The following TMEM178B variants were observed in gnomAD, a reference collection of about 807,000 sequenced individuals.
The protein encoded by TMEM178B is transmembrane protein 178B.
In TMEM178B, 5 loss-of-function variants were observed where a neutral mutation model predicts 31.0. The ratio of observed to expected loss-of-function variants is 0.16; its 90% CI spans 0.08 to 0.34. The LOEUF (loss-of-function observed/expected upper bound fraction) is 0.34, where lower values mean the gene tolerates loss of function less well. Ranked by LOEUF, TMEM178B falls within the 10% of genes least tolerant of loss-of-function variation. The pLI, the probability that TMEM178B is intolerant of heterozygous loss-of-function variation, is 1.00. For synonymous variants in TMEM178B, 164 were observed against 164.0 expected (o/e 1.00, Z 0.00); for missense variants, 275 against 400.3 (o/e 0.69, Z 2.67).
At chr7:141,203,935 C>G (rs1796920441) in intron 1 of TMEM178B, among the ~76,000 whole-genome samples, 1 of 152,200 alleles carries the variant, frequency 6.6e-6, no homozygotes, top group Admixed American at 6.5e-5. Flanking sequence ...ATCCCTTTGC[C>G]TGTAGATGGG....
the TMEM178B span, among the ~76,000 whole-genome samples, chr7:141,488,866 A>G: frequency 2.0e-5 from 3 of 152,180 alleles, no homozygotes; most frequent in Non-Finnish European, 4.4e-5. Context: ...TAAGAACTGC[A>G]ATTTAAAAAA....
intron 2 of TMEM178B, chr7:141,429,723 G>A (rs1257453394): frequency 6.6e-6 from 1 of 152,224 alleles, no homozygotes; most frequent in Non-Finnish European, 1.5e-5. Flanking sequence ...AGTGATAACT[G>A]TGTGAGTTCA....
At chr7:141,346,027 C>G (rs1799613348) in intron 2 of TMEM178B, among the ~76,000 whole-genome samples, 1 of 152,036 alleles carries the variant, frequency 6.6e-6, no homozygotes, top group South Asian at 2.1e-4. Context: ...AGAGACCATC[C>G]TGGCTAACAC....
At chr7:141,235,294 A>G (rs953577218) in intron 2 of TMEM178B, among the ~76,000 whole-genome samples, 1 of 152,212 alleles carries the variant, frequency 6.6e-6, no homozygotes, top group African/African-American at 2.4e-5. Context: ...TTGCTTGAAG[A>G]ATCATTTCTG....
At chr7:141,355,614 G>A (rs182356987) in intron 2 of TMEM178B, among the ~76,000 whole-genome samples, 99 of 152,342 alleles carry the variant, frequency 6.5e-4, no homozygotes, top group Middle Eastern at 6.8e-3. Context: ...ATTCAATGCC[G>A]ATGCATTCAA....
intron 2 of TMEM178B, among the ~76,000 whole-genome samples, chr7:141,316,389 T>C (rs1362617586): frequency 6.6e-6 from 1 of 152,214 alleles, no homozygotes; most frequent in Non-Finnish European, 1.5e-5. Context: ...TTTGTATGTT[T>C]ATATCCATTT....
rs145129263 is a variant in TMEM178B, at chr7:141,395,781, A to C, written c.497-41827A>C. Among the ~76,000 whole-genome samples, 385 of 152,240 alleles carry C rather than the reference A, an allele frequency of 2.5e-3. 3 individuals are homozygous for C. The South Asian group carries it at 0.035, about 14-fold the overall frequency. ...TATATCAGGGGAATGGGAGAGAAGG[A>C]TGGGCATGGGGGTTGGGAATGGGTT... On this transcript the variant is annotated intron_variant, in intron 2 of 3. Transcript: ENST00000565468.
intron 2 of TMEM178B, among the ~76,000 whole-genome samples, chr7:141,253,376 A>C (rs1240623856): frequency 3.3e-5 from 5 of 152,070 alleles, no homozygotes; most frequent in African/African-American, 1.2e-4. Flanking sequence ...GGATCTGCAA[A>C]TGTGCAGCTT....
chr7:141,492,713 G>A, the TMEM178B span, among the ~76,000 whole-genome samples: 1 of 152,256 alleles, frequency 6.6e-6, no homozygotes. Context: ...GAAACAACGA[G>A]CACATCAACT....
At chr7:141,466,082 A>G (rs1364620169) in intron 3 of TMEM178B, among the ~76,000 whole-genome samples, 1 of 152,232 alleles carries the variant, frequency 6.6e-6, no homozygotes. Flanking sequence ...AGTAGCATAT[A>G]TGGAAATTAA....
chr7:141,260,032 A>G (rs1029307005), intron 2 of TMEM178B, among the ~76,000 whole-genome samples: 2 of 152,004 alleles, frequency 1.3e-5, no homozygotes, highest in African/African-American at 2.4e-5. Context: ...CCAGGGTTAT[A>G]TGGGACTGTA....
the TMEM178B span, among the ~76,000 whole-genome samples, chr7:141,500,232 G>A: frequency 1.3e-5 from 2 of 152,094 alleles, no homozygotes; most frequent in Non-Finnish European, 2.9e-5. Context: ...CACAAGATAC[G>A]AGCCCATTGT....
intron 2 of TMEM178B, among the ~76,000 whole-genome samples, chr7:141,229,505 C>G (rs113708195): frequency 6.6e-6 from 1 of 152,014 alleles, no homozygotes; most frequent in Non-Finnish European, 1.5e-5. Context: ...TTTTCTCTTG[C>G]GTTTTCCATC....
intron 2 of TMEM178B, among the ~76,000 whole-genome samples, chr7:141,227,488 G>A (rs6959844): frequency 0.27 from 41,543 of 152,064 alleles, 6,602 homozygotes; most frequent in Non-Finnish European, 0.37. Flanking sequence ...ACTATGAGGT[G>A]AATATTATTA....
intron 2 of TMEM178B, among the ~76,000 whole-genome samples, chr7:141,337,014 CCAT>C (rs1563155259): frequency 6.3e-5 from 5 of 79,816 alleles, no homozygotes; most frequent in Non-Finnish European, 9.5e-5. Context: ...ACCACCACCA[CCAT>C]CACCACCATC....
At chr7:141,089,711 G>A (rs913591543) in intron 1 of TMEM178B, among the ~76,000 whole-genome samples, 2 of 152,126 alleles carry the variant, frequency 1.3e-5, no homozygotes, top group Non-Finnish European at 2.9e-5. Flanking sequence ...TCCTTTGTAG[G>A]GACATGGATG....
chr7:141,296,041 A>C (rs1217365614), intron 2 of TMEM178B, among the ~76,000 whole-genome samples: 1 of 151,914 alleles, frequency 6.6e-6, no homozygotes, highest in Non-Finnish European at 1.5e-5. Context: ...CAAAACCCTA[A>C]ATGTTTGCAC....
chr7:141,408,292 T>A (rs1478820266), intron 2 of TMEM178B, among the ~76,000 whole-genome samples: 1 of 152,140 alleles, frequency 6.6e-6, no homozygotes, highest in African/African-American at 2.4e-5. Flanking sequence ...TCCTGAGGCT[T>A]TGGGGTGGCT....
the TMEM178B span, among the ~76,000 whole-genome samples, chr7:141,497,673 A>G: frequency 6.6e-6 from 1 of 152,112 alleles, no homozygotes; most frequent in Non-Finnish European, 1.5e-5. Flanking sequence ...ACCTGTGCCA[A>G]ATCTCTCCTC....
Sources: gnomAD v4.1 joint callset for allele counts (sites outside exome capture counted in the v4.1 genomes callset) on GRCh38, gnomAD v4.1.1 for gene constraint, MANE v1.5 for transcripts, NCBI Gene and HGNC (gene_info 2026-07-23, HGNC 2026-07-21) for gene names.